STOX2: variants seen among roughly 807,000 people sequenced by gnomAD.
The protein encoded by STOX2 is storkhead box 2.
STOX2 carries 28 observed loss-of-function variants against 60.9 expected under a neutral mutation model. That is an observed-to-expected ratio of 0.46 (90% CI 0.34 to 0.63). The LOEUF is 0.63. Ranked by LOEUF, STOX2 falls within the 30% of genes least tolerant of loss-of-function variation. The pLI is 0.01. For synonymous variants in STOX2, 472 were observed against 463.9 expected (o/e 1.02, Z -0.22); for missense variants, 1,024 against 1,187.7 (o/e 0.86, Z 2.03).
At chr4:183,850,990 G>C (rs979628381) in intron 1 of STOX2, among the ~76,000 whole-genome samples, 3 of 137,096 alleles carry the variant, frequency 2.2e-5, no homozygotes, top group African/African-American at 8.2e-5. Context: ...CGATGAGAAA[G>C]GATGAGGGAA....
intron 1 of STOX2, among the ~76,000 whole-genome samples, chr4:183,989,185 T>G (rs111663291): frequency 0.042 from 1,862 of 44,002 alleles, 20 homozygotes; most frequent in South Asian, 0.12. Context: ...TTTTTTTTTT[T>G]TTTTTTTTGT....
intron 1 of STOX2, among the ~76,000 whole-genome samples, chr4:183,881,719 A>G (rs972914186): frequency 2.6e-5 from 4 of 152,194 alleles, no homozygotes; most frequent in Non-Finnish European, 4.4e-5. Flanking sequence ...TAATTTTTCT[A>G]TGTTTAATTG....
At chr4:183,812,426 AG>A (rs1739056430) in intron 1 of STOX2, among the ~76,000 whole-genome samples, 1 of 151,886 alleles carries the variant, frequency 6.6e-6, no homozygotes, top group South Asian at 2.1e-4. Context: ...ATGCAATTTA[AG>A]GGTTTTTAGA....
At chr4:183,841,483 G>A (rs550215992) in intron 1 of STOX2, among the ~76,000 whole-genome samples, 1 of 152,088 alleles carries the variant, frequency 6.6e-6, no homozygotes, top group Non-Finnish European at 1.5e-5. Context: ...AAAGTTCTGG[G>A]ATTACAGGCT....
chr4:183,889,786 CAT>C (rs1437197861), intron 1 of STOX2, among the ~76,000 whole-genome samples: 2 of 152,124 alleles, frequency 1.3e-5, no homozygotes, highest in Non-Finnish European at 2.9e-5. Context: ...GCCTCCTTTC[CAT>C]ATATATGTGG....
At position 184,020,824 on chromosome 4, in the gene STOX2, C is replaced by A. The variant is rs556392797; in HGVS notation, c.*3540C>A. 6.6e-6 allele frequency: 1 copy of A among 152,292 alleles called. No individual in the cohort carries two copies. The highest frequency in any genetic ancestry group is 2.4e-5 in the African/African-American group (1 of 41,552). 9.4% of individuals were successfully genotyped at this position (152,292 alleles called of 1,614,324 possible). A position where few individuals can be genotyped will look rare whatever the true frequency, so the allele number is the denominator to read the frequency against. On this transcript the variant is annotated 3_prime_UTR_variant, in exon 4 of 4. Coordinates refer to ENST00000308497, the MANE Select transcript of STOX2 (RefSeq NM_020225.3). ...TCAATTCACAGTTAATCCGGAGTAA[C>A]AATGATCTGAACACCAGCTGTTCCC... is the stretch of plus-strand genomic sequence containing the variant.
At chr4:183,829,880 A>G (rs762461589) in intron 1 of STOX2, among the ~76,000 whole-genome samples, 1 of 152,224 alleles carries the variant, frequency 6.6e-6, no homozygotes. Context: ...AGAGACACGA[A>G]GAAAAGTGAA....
intron 2 of STOX2, among the ~76,000 whole-genome samples, chr4:184,006,000 A>C (rs1336425311): frequency 6.6e-6 from 1 of 152,178 alleles, no homozygotes; most frequent in Non-Finnish European, 1.5e-5. Context: ...TTATTCCTTC[A>C]TTTGAGAACT....
intron 1 of STOX2, among the ~76,000 whole-genome samples, chr4:183,995,656 G>A (rs1260496548): frequency 1.3e-5 from 2 of 152,210 alleles, no homozygotes; most frequent in Non-Finnish European, 2.9e-5. Context: ...TTTCTCCAGA[G>A]TTGCACAAGA....
At chr4:183,807,058 C>T (rs913074865) in intron 1 of STOX2, among the ~76,000 whole-genome samples, 37 of 152,112 alleles carry the variant, frequency 2.4e-4, no homozygotes, top group East Asian at 2.3e-3. Context: ...CTGCAAGCTC[C>T]GTCTCCCGGG....
chr4:184,009,301 A>C lies in STOX2; in HGVS notation c.463A>C (p.Ser155Arg). The C allele has an allele frequency of 6.2e-7, 1 of 1,613,982 alleles. No homozygotes were observed. The change falls in exon 3 of 4, where the codon AGT becomes CGT. Residue 155 changes from serine (S) to arginine (R), a missense_variant. Physicochemically the swap from Ser to Arg is moderately radical, Grantham distance 110. Transcript: ENST00000308497. This position sits in a 1 kb window ranked among gnomAD's most constrained non-coding sequence, Gnocchi z 4.0. ...FITPSLIRTNSKWYHLDERIP... is the reference protein window; with the variant it reads ...FITPSLIRTNRKWYHLDERIP... The stretch of plus-strand genomic sequence containing the variant: ...AACTCCTTCCCTCATAAGAACTAAC[A>C]GTAAATGGTACCATTTGGACGAGAG...
At chr4:184,007,139 C>T (rs959101322) in intron 2 of STOX2, among the ~76,000 whole-genome samples, 7 of 151,754 alleles carry the variant, frequency 4.6e-5, no homozygotes, top group Admixed American at 1.3e-4. Context: ...AACCATGCGA[C>T]TCAAAAATTA....
chr4:183,809,028 A>C (rs2111098696), intron 1 of STOX2, among the ~76,000 whole-genome samples: 1 of 152,338 alleles, frequency 6.6e-6, no homozygotes, highest in South Asian at 2.1e-4. Context: ...CATTGTAAAC[A>C]ATAGGACATG....
Position 183,906,702 on chromosome 4 carries a change from G to A in STOX2, c.-89G>A. The A allele has an allele frequency of 7.4e-7, 1 of 1,356,682 alleles. No homozygotes were observed. Among genetic ancestry groups the A allele is most frequent in the Non-Finnish European group, 9.8e-7 (1 of 1,023,112 alleles). The allele number at this position is 1,356,682 out of a possible 1,614,324, so 84.0% of individuals were successfully genotyped here. A position where few individuals can be genotyped will look rare whatever the true frequency, so the allele number is the denominator to read the frequency against. On this transcript the variant is annotated 5_prime_UTR_variant, in exon 1 of 4. Coordinates refer to ENST00000308497, the MANE Select transcript of STOX2 (RefSeq NM_020225.3). ...GGAAAATGTGCGCAGAGTCCGCCCG[G>A]GTCGTGCCCGCCGTAGACGGATGAA...
intron 1 of STOX2, among the ~76,000 whole-genome samples, chr4:183,848,641 G>A (rs548479656): frequency 1.3e-5 from 2 of 152,326 alleles, no homozygotes; most frequent in South Asian, 4.1e-4. Context: ...AAGAGGGATG[G>A]CTGATAAGGA....
chr4:183,820,002 C>T (rs1739268995), intron 1 of STOX2, among the ~76,000 whole-genome samples: 1 of 152,170 alleles, frequency 6.6e-6, no homozygotes, highest in Non-Finnish European at 1.5e-5. Flanking sequence ...AAACTAAAAT[C>T]CCAATGAATA....
chr4:183,912,351 A>G (rs1310224106), intron 1 of STOX2, among the ~76,000 whole-genome samples: 1 of 152,178 alleles, frequency 6.6e-6, no homozygotes, highest in Non-Finnish European at 1.5e-5. Context: ...GGCACATCAC[A>G]GTATAACCTC....
At position 184,011,698 on chromosome 4, in the gene STOX2, T is replaced by G; in HGVS notation, c.2585+275T>G. 1 of 1,269,716 alleles carries G rather than the reference T, an allele frequency of 7.9e-7. No homozygotes were observed. The highest frequency in any genetic ancestry group is 1.0e-6 in the Non-Finnish European group (1 of 968,982). 78.7% of individuals were successfully genotyped at this position (1,269,716 alleles called of 1,614,324 possible). A position where few individuals can be genotyped will look rare whatever the true frequency, so the allele number is the denominator to read the frequency against. Reference sequence around the variant, plus strand: ...ATCTAACTAAAACCAATATTTCCAGTATTTTTTCTGCTACGTTCATATTGC... The same window carrying G: ...ATCTAACTAAAACCAATATTTCCAGGATTTTTTCTGCTACGTTCATATTGC... On this transcript the variant is annotated intron_variant, in intron 3 of 3. Transcript: ENST00000308497. This position sits in a 1 kb window ranked among gnomAD's most constrained non-coding sequence, Gnocchi z 4.4.
At chr4:183,977,941 G>A (rs1034716393) in intron 1 of STOX2, among the ~76,000 whole-genome samples, 1 of 151,940 alleles carries the variant, frequency 6.6e-6, no homozygotes, top group Non-Finnish European at 1.5e-5. Context: ...TTTTTAATGG[G>A]GTTACTTGTT....
Sources: allele counts gnomAD v4.1 joint callset (sites outside exome capture counted in the v4.1 genomes callset), GRCh38; gene constraint gnomAD v4.1.1; non-coding constraint Gnocchi (gnomAD v3.1); transcripts MANE v1.5; gene names NCBI Gene and HGNC (gene_info 2026-07-23, HGNC 2026-07-21).